The following IGFN1 variants were observed in gnomAD, a reference collection of about 807,000 sequenced individuals.
IGFN1 encodes the protein immunoglobulin like and fibronectin type III domain containing 1.
IGFN1 carries 253 observed loss-of-function variants against 289.5 expected under a neutral mutation model. The observed-to-expected ratio is 0.87, with a 90% CI of 0.79 to 0.97. The LOEUF is 0.97. Among genes scored for constraint, IGFN1 ranks in the 50% least tolerant of loss-of-function variants. The pLI, the probability that IGFN1 is intolerant of heterozygous loss-of-function variation, is 0.00. For synonymous variants in IGFN1, 1,706 were observed against 1,788.5 expected (o/e 0.95, Z 1.16); for missense variants, 4,470 against 4,686.1 (o/e 0.95, Z 1.35).
rs752864777 is a variant in IGFN1 at position 201,211,228 on chromosome 1, C to A, written c.6335C>A (p.Ala2112Asp). ...GCAGGTTATAGGAAGGATTTGGGGG[C>A]TCCTGAGGGAATAGGTTCAGGAAGT... ...DEAGYRKDLGAPEGIGSGSKA... is the reference protein window; with the variant it reads ...DEAGYRKDLGDPEGIGSGSKA... The change falls in exon 12 of 24, where the codon GCT becomes GAT. Residue 2112 changes from alanine to aspartate, a missense_variant. By Grantham distance (126) the Ala-to-Asp change is moderately radical (BLOSUM62 -2). This residue lies in a region of IGFN1 where 2,218 missense variants were observed against 2,114.1 expected (regional missense o/e 1.05). Coordinates refer to ENST00000335211, the MANE Select transcript of IGFN1 (RefSeq NM_001164586.2). The A allele has an allele frequency of 1.3e-6, 2 of 1,529,276 alleles. No homozygotes were observed. Among genetic ancestry groups the A allele is most frequent in the Non-Finnish European group, 1.7e-6 (2 of 1,144,272 alleles). 94.7% of individuals were successfully genotyped at this position (1,529,276 alleles called of 1,614,324 possible).
At chr1:201,194,787 T>C (rs1484265726) in intron 3 of IGFN1, among the ~76,000 whole-genome samples, 6 of 152,174 alleles carry the variant, frequency 3.9e-5, no homozygotes, top group Admixed American at 3.9e-4. Flanking sequence ...AAAGTGGGAA[T>C]TGGTGTTCTT....
intron 14 of IGFN1, 68 bp downstream of exon 14, chr1:201,215,222 C>A: frequency 6.6e-7 from 1 of 1,506,832 alleles, no homozygotes; most frequent in Non-Finnish European, 9.0e-7. Flanking sequence ...GGTGATATGC[C>A]TTGCTTTAAA....
intron 8 of IGFN1, among the ~76,000 whole-genome samples, chr1:201,200,819 G>T (rs1028897276): frequency 3.4e-5 from 5 of 147,506 alleles, no homozygotes; most frequent in Admixed American, 6.8e-5. Context: ...GGAGGTACCT[G>T]GTTTATTTCT....
At chr1:201,203,409 C>A (rs1667247114) in intron 9 of IGFN1, among the ~76,000 whole-genome samples, 1 of 152,236 alleles carries the variant, frequency 6.6e-6, no homozygotes, top group African/African-American at 2.4e-5. Context: ...GCCTCCCCTG[C>A]TATCCTCGCA....
chr1:201,227,168 G>A lies in IGFN1; in HGVS notation c.11073G>A (p.Thr3691=), dbSNP rs760288110. 42 of 1,609,754 alleles carry A rather than the reference G, an allele frequency of 2.6e-5. No homozygotes were observed. Among genetic ancestry groups the A allele is most frequent in the Admixed American group, 1.2e-4 (7 of 59,562 alleles). ...SGEYKAVAEN[T]LGQAVSTATL... ...AGTACAAGGCTGTGGCTGAGAACAC[G>A]CTGGGCCAGGCAGTCAGCACTGCCA... The change falls in exon 23 of 24, where the codon ACG becomes ACA. Residue 3691 remains threonine, a synonymous_variant. Transcript: ENST00000335211.
chr1:201,217,578 C>T (rs528419476), intron 17 of IGFN1, 118 bp downstream of exon 17: 31 of 997,844 alleles, frequency 3.1e-5, no homozygotes, highest in Admixed American at 1.6e-4. Context: ...GGTTTGGCAA[C>T]GTCTGGAGAT....
Position 201,206,228 on chromosome 1 carries a change from T to G in IGFN1, c.1335T>G (p.Leu445=), listed in dbSNP as rs549939544. The change falls in exon 12 of 24, where the codon CTT becomes CTG. Residue 445 remains leucine, a synonymous_variant. Coordinates refer to ENST00000335211, the MANE Select transcript of IGFN1 (RefSeq NM_001164586.2). Reference sequence around the variant, plus strand: ...AGCAGGGCCCCAGGGGGGGCTCCCTTGAAGGGGCTGGGCCGGCTTCTGGGC... The same window carrying G: ...AGCAGGGCCCCAGGGGGGGCTCCCTGGAAGGGGCTGGGCCGGCTTCTGGGC... ...SREQGPRGGS[L]EGAGPASGLQ... 9.7e-6 allele frequency: 15 copies of G among 1,547,662 alleles called. No homozygotes were observed. Among genetic ancestry groups the G allele is most frequent in the Non-Finnish European group, 1.3e-5 (15 of 1,145,970 alleles).
At position 201,215,857 on chromosome 1, in the gene IGFN1, C is replaced by T. The variant is rs1428717767; in HGVS notation, c.9295+19C>T. On this transcript the variant is annotated intron_variant, in intron 15 of 23. Coordinates refer to ENST00000335211, the MANE Select transcript of IGFN1 (RefSeq NM_001164586.2). Reference sequence around the variant, plus strand: ...GTCATAGGTACCAGCCCTGTCTTCCCCCAACTAAGGCCTGAGAGTCCCTGG... The same window carrying T: ...GTCATAGGTACCAGCCCTGTCTTCCTCCAACTAAGGCCTGAGAGTCCCTGG... 3.1e-6 allele frequency: 5 copies of T among 1,604,780 alleles called. No homozygotes were observed. The highest frequency in any genetic ancestry group is 4.3e-6 in the Non-Finnish European group (5 of 1,176,026).
intron 2 of IGFN1, among the ~76,000 whole-genome samples, 154 bp downstream of exon 2, chr1:201,193,454 G>A (rs550305168): frequency 1.3e-5 from 2 of 151,788 alleles, no homozygotes; most frequent in South Asian, 2.1e-4. Context: ...TATTTTTATT[G>A]TTGTTGGCTT....
At position 201,211,709 on chromosome 1, in the gene IGFN1, A is replaced by C. The variant is rs1473565680; in HGVS notation, c.6816A>C (p.Leu2272Phe). Residue 2272 changes from leucine to phenylalanine, a missense_variant, in exon 12 of 24, where the codon TTA becomes TTC. By Grantham distance (22) the Leu-to-Phe change is conservative (BLOSUM62 0). This residue lies in a region of IGFN1 where 2,218 missense variants were observed against 2,114.1 expected (regional missense o/e 1.05). Transcript: ENST00000335211. ...GTTACACAGATTACAGGAATGGTTTAGGCAGTTCTGGAAAAATCAGTTCAG... is the reference window on the plus strand; with the variant it reads ...GTTACACAGATTACAGGAATGGTTTCGGCAGTTCTGGAAAAATCAGTTCAG... ...SGSYTDYRNG[L>F]GSSGKISSGD... 6.5e-7 allele frequency: 1 copy of C among 1,536,856 alleles called. No homozygotes were observed. The highest frequency in any genetic ancestry group is 1.4e-5 in the African/African-American group (1 of 72,982).
At chr1:201,201,956 C>T (rs779640416) in intron 9 of IGFN1, 124 bp downstream of exon 9, 25 of 631,536 alleles carry the variant, frequency 4.0e-5, no homozygotes, top group Non-Finnish European at 6.6e-5. Flanking sequence ...GTGGTGAGCC[C>T]CTCATCCCAT....
At position 201,224,684 on chromosome 1, in the gene IGFN1, G is replaced by A. The variant is rs1653962625; in HGVS notation, c.10296G>A (p.Met3432Ile). 6.2e-7 allele frequency: 1 copy of A among 1,613,774 alleles called. No homozygotes were observed. The highest frequency in any genetic ancestry group is 8.5e-7 in the Non-Finnish European group (1 of 1,179,890). Residue 3432 changes from methionine to isoleucine, a missense_variant, in exon 21 of 24, where the codon ATG becomes ATA. Met to Ile is a conservative substitution (Grantham distance 10, BLOSUM62 1). This residue lies in a region of IGFN1 where 2,218 missense variants were observed against 2,114.1 expected (regional missense o/e 1.05). Coordinates refer to ENST00000335211, the MANE Select transcript of IGFN1 (RefSeq NM_001164586.2). Reference sequence around the variant, plus strand: ...TCCTTCCTCTCCTTTCTCAGGCCATGCCCATGCCTGAGGTGACCTGGCTGA... The same window carrying A: ...TCCTTCCTCTCCTTTCTCAGGCCATACCCATGCCTGAGGTGACCTGGCTGA... ...TVRVPVSFEA[M>I]PMPEVTWLKD... is the part of the protein sequence containing the mutation.
rs773048732 is a variant in IGFN1, at chr1:201,208,419, T to C, written c.3526T>C (p.Ser1176Pro). ...GACAAGATGCCCTGGTGCTAAGGCC[T>C]CTGGAGCTGGAGCTGGTTATAGGGA... ...DGTRCPGAKA[S>P]GAGAGYRDDT... Residue 1176 changes from serine to proline, a missense_variant, in exon 12 of 24, where the codon TCT becomes CCT. Coordinates refer to ENST00000335211, the MANE Select transcript of IGFN1 (RefSeq NM_001164586.2). The C allele has an allele frequency of 6.9e-7, 1 of 1,447,520 alleles. No individual in the cohort carries two copies. Among genetic ancestry groups the C allele is most frequent in the South Asian group, 1.5e-5 (1 of 67,288 alleles). The allele number at this position is 1,447,520 out of a possible 1,614,324, so 89.7% of individuals were successfully genotyped here. A position where few individuals can be genotyped will look rare whatever the true frequency, so the allele number is the denominator to read the frequency against.
chr1:201,198,374 G>A (rs1206227690), intron 5 of IGFN1, among the ~76,000 whole-genome samples: 1 of 152,066 alleles, frequency 6.6e-6, no homozygotes, highest in Non-Finnish European at 1.5e-5. Context: ...GACCTCAGGT[G>A]ATCCACCTGC....
Position 201,225,835 on chromosome 1 carries a change from G to T in IGFN1, c.10498G>T (p.Ala3500Ser). The part of the protein sequence containing the change: ...FRIRVAACPQ[A>S]PGPIHLQENV... ...CGTCTCTCCTGAAGCATGCCCGCAG[G>T]CCCCTGGGCCCATCCACCTGCAGGA... The change falls in exon 22 of 24, where the codon GCC (alanine) becomes TCC (serine). Residue 3500 changes from alanine (A) to serine (S), a missense_variant. Coordinates refer to ENST00000335211, the MANE Select transcript of IGFN1 (RefSeq NM_001164586.2). 3.1e-6 allele frequency: 5 copies of T among 1,611,650 alleles called. No individual in the cohort carries two copies. The highest frequency in any genetic ancestry group is 4.2e-6 in the Non-Finnish European group (5 of 1,179,380).
chr1:201,216,469 C>G lies in IGFN1; in HGVS notation c.9311C>G (p.Pro3104Arg). 8 of 1,576,208 alleles carry G rather than the reference C, an allele frequency of 5.1e-6. No individual in the cohort carries two copies. The South Asian group carries it at 8.0e-5, about 16-fold the overall frequency. The change falls in exon 16 of 24, where the codon CCA (proline) becomes CGA (arginine). Residue 3104 changes from proline (P) to arginine (R), a missense_variant. Around this residue, in one of 8 missense-constraint regions of IGFN1, gnomAD observed 2,218 missense variants for 2,114.1 expected, o/e 1.05. Coordinates refer to ENST00000335211, the MANE Select transcript of IGFN1 (RefSeq NM_001164586.2). The part of the protein sequence containing the change: ...TLQVIDKPDP[P>R]QGPMEVQDCH... ...GGGTCCCCAGACAAGCCTGATCCCC[C>G]ACAAGGCCCCATGGAGGTTCAGGAT...
chr1:201,200,432 C>T (rs1238085584), intron 8 of IGFN1, 21 bp downstream of exon 8: 1 of 1,542,538 alleles, frequency 6.5e-7, no homozygotes, highest in Admixed American at 2.0e-5. Flanking sequence ...CCATTCCCAC[C>T]CCTCACTCCA....
At position 201,211,336 on chromosome 1, in the gene IGFN1, C is replaced by T. The variant is rs1438554324; in HGVS notation, c.6443C>T (p.Ala2148Val). 1 of 1,497,268 alleles carries T rather than the reference C, an allele frequency of 6.7e-7. No individual in the cohort carries two copies. The highest frequency in any genetic ancestry group is 8.9e-7 in the Non-Finnish European group (1 of 1,122,404). 92.7% of individuals were successfully genotyped at this position (1,497,268 alleles called of 1,614,324 possible). The change falls in exon 12 of 24, where the codon GCT (alanine) becomes GTT (valine). Residue 2148 changes from alanine to valine, a missense_variant. Coordinates refer to ENST00000335211, the MANE Select transcript of IGFN1 (RefSeq NM_001164586.2). Reference sequence around the variant, plus strand: ...GCAGGTTATAGGAAGGATTTGGGGGCTCCTAAGGGAATGGGTTCAGAGAGT... The same window carrying T: ...GCAGGTTATAGGAAGGATTTGGGGGTTCCTAAGGGAATGGGTTCAGAGAGT... ...NEAGYRKDLG[A>V]PKGMGSESKA...
intron 3 of IGFN1, among the ~76,000 whole-genome samples, chr1:201,195,118 G>C (rs1450093773): frequency 6.6e-6 from 1 of 151,920 alleles, no homozygotes; most frequent in Non-Finnish European, 1.5e-5. Flanking sequence ...CCTCCCCCTA[G>C]AGAGTAGGAA....
Sources: gnomAD v4.1 joint callset for allele counts (sites outside exome capture counted in the v4.1 genomes callset) on GRCh38, gnomAD v4.1.1 for gene constraint, gnomAD v4.1.1 regional missense constraint, MANE v1.5 for transcripts, NCBI Gene and HGNC (gene_info 2026-07-23, HGNC 2026-07-21) for gene names.